The following TMPRSS7 variants were observed in gnomAD, a reference collection of about 807,000 sequenced individuals.
TMPRSS7 encodes transmembrane serine protease 7, also known as transmembrane protease serine 7.
TMPRSS7 carries 81 observed loss-of-function variants against 95.6 expected under a neutral mutation model. The observed-to-expected ratio is 0.85, with a 90% confidence interval of 0.71 to 1.02. The LOEUF (loss-of-function observed/expected upper bound fraction) is 1.02. TMPRSS7 is among the 50% of genes least tolerant of loss of function. The pLI, the probability that TMPRSS7 is intolerant of heterozygous loss-of-function variation, is 0.00. For synonymous variants in TMPRSS7, 364 were observed against 337.8 expected (o/e 1.08, Z -0.85); for missense variants, 945 against 955.2 (o/e 0.99, Z 0.14).
At chr3:112,074,384 T>C in exon 14 of TMPRSS7, 2 of 1,613,614 alleles carry the variant, frequency 1.2e-6, no homozygotes, top group Non-Finnish European at 1.7e-6. Context: ...CAGTGGATTG[T>C]CCAGATGGAA....
intron 8 of TMPRSS7, 135 bp from the exon 9 acceptor site, chr3:112,050,536 A>AAAAAAAAAC: frequency 2.6e-6 from 1 of 390,320 alleles, no homozygotes; most frequent in Non-Finnish European, 4.7e-6. Flanking sequence ...AAAAAAAAAA[A>AAAAAAAAAC]AACCCAAAGT....
intron 2 of TMPRSS7, among the ~76,000 whole-genome samples, chr3:112,040,556 T>C (rs1455974254): frequency 2.6e-5 from 4 of 152,220 alleles, no homozygotes; most frequent in South Asian, 4.2e-4. Context: ...GGAAGTCAAG[T>C]CAATGGGCCA....
intron 9 of TMPRSS7, among the ~76,000 whole-genome samples, chr3:112,055,404 G>C (rs1349308263): frequency 6.6e-6 from 1 of 151,404 alleles, no homozygotes; most frequent in Non-Finnish European, 1.5e-5. Flanking sequence ...GTGGTGAGGG[G>C]TGGTTTACTC....
At chr3:112,076,372 A>G (rs2107763832) in intron 15 of TMPRSS7, among the ~76,000 whole-genome samples, 2 of 152,348 alleles carry the variant, frequency 1.3e-5, no homozygotes, top group East Asian at 3.9e-4. Flanking sequence ...GTTGAGCAGT[A>G]AGAGTAGTGA....
At chr3:112,054,965 T>A (rs889160414) in intron 9 of TMPRSS7, among the ~76,000 whole-genome samples, 7 of 152,070 alleles carry the variant, frequency 4.6e-5, no homozygotes, top group Admixed American at 1.3e-4. Context: ...GGTCTCGATC[T>A]CCTGACGTCG....
chr3:112,044,179 G>T (rs1406661476), intron 3 of TMPRSS7, 76 bp from the exon 4 acceptor site: 1 of 1,023,206 alleles, frequency 9.8e-7, no homozygotes, highest in Admixed American at 2.0e-5. Flanking sequence ...TCAGAGCTTG[G>T]GCCTACAACA....
chr3:112,047,625 A>G, intron 6 of TMPRSS7, 114 bp from the exon 7 acceptor site: 1 of 790,344 alleles, frequency 1.3e-6, no homozygotes, highest in South Asian at 1.7e-5. Context: ...TAGGCTGGCC[A>G]TATGTCCTTC....
chr3:112,056,572 A>T (rs2073435519), intron 9 of TMPRSS7, among the ~76,000 whole-genome samples: 1 of 152,224 alleles, frequency 6.6e-6, no homozygotes, highest in Non-Finnish European at 1.5e-5. Context: ...AAGAAGATCT[A>T]GGGGTGACTC....
intron 13 of TMPRSS7, among the ~76,000 whole-genome samples, chr3:112,067,350 T>C (rs2073590059): frequency 6.6e-6 from 1 of 152,212 alleles, no homozygotes; most frequent in South Asian, 2.1e-4. Flanking sequence ...TACCCAGTAA[T>C]GGGATGGCTG....
At chr3:112,040,161 A>C (rs1349128815) in intron 2 of TMPRSS7, among the ~76,000 whole-genome samples, 1 of 152,174 alleles carries the variant, frequency 6.6e-6, no homozygotes, top group Non-Finnish European at 1.5e-5. Context: ...AGAATGAAGG[A>C]ATACTGTCTT....
rs528991619 is a variant in TMPRSS7, at chr3:112,055,571, G to A, written c.1204-1454G>A. ...ATTCACCTAAAGAAAATGACAATAAGGTTGAATTACAAAGTATTACCTAAA... is the reference window on the plus strand; with the variant it reads ...ATTCACCTAAAGAAAATGACAATAAAGTTGAATTACAAAGTATTACCTAAA... On this transcript the variant is annotated intron_variant, in intron 9 of 17. Coordinates refer to ENST00000452346, the Ensembl canonical transcript of TMPRSS7. Among the ~76,000 whole-genome samples, 14 of 151,994 alleles carry A rather than the reference G, an allele frequency of 9.2e-5. No homozygotes were observed. In the South Asian group the frequency reaches 1.0e-3, roughly 11 times the overall value.
At chr3:112,047,774 C>T in exon 7 of TMPRSS7, 1 of 1,613,974 alleles carries the variant, frequency 6.2e-7, no homozygotes, top group Admixed American at 1.7e-5. Flanking sequence ...TGCAGAGCAT[C>T]TGTCTCTCCA....
intron 14 of TMPRSS7, among the ~76,000 whole-genome samples, chr3:112,074,906 G>C (rs527935298): frequency 1.3e-5 from 2 of 152,318 alleles, no homozygotes; most frequent in East Asian, 1.9e-4. Context: ...CAATTGCTCT[G>C]ATAACTAGTT....
intron 5 of TMPRSS7, 65 bp from the exon 6 acceptor site, chr3:112,046,909 A>G: frequency 1.4e-6 from 1 of 694,138 alleles, no homozygotes; most frequent in Non-Finnish European, 2.6e-6. Flanking sequence ...AATTTTTACT[A>G]AGCAAAATTC....
At chr3:112,069,176 C>T (rs926317682) in intron 13 of TMPRSS7, among the ~76,000 whole-genome samples, 2 of 152,190 alleles carry the variant, frequency 1.3e-5, no homozygotes, top group Admixed American at 1.3e-4. Context: ...ATGAAGCCCA[C>T]TTGATCATGG....
chr3:112,051,692 T>TATCTATCTATC (rs1490134446), intron 9 of TMPRSS7, among the ~76,000 whole-genome samples: 1 of 151,906 alleles, frequency 6.6e-6, no homozygotes, highest in East Asian at 1.9e-4. Flanking sequence ...TCTATCTATC[T>TATCTATCTATC]ATCTCTATTA....
intron 7 of TMPRSS7, among the ~76,000 whole-genome samples, chr3:112,048,298 G>A (rs1421581720): frequency 6.6e-6 from 1 of 152,174 alleles, no homozygotes; most frequent in Non-Finnish European, 1.5e-5. Context: ...AACAGTGTGA[G>A]AATAAATATC....
At chr3:112,052,084 T>C (rs1431674838) in intron 9 of TMPRSS7, among the ~76,000 whole-genome samples, 1 of 151,676 alleles carries the variant, frequency 6.6e-6, no homozygotes, top group Non-Finnish European at 1.5e-5. Context: ...ACAAGTTAAA[T>C]ACGCGTAATA....
At position 112,079,046 on chromosome 3, in the gene TMPRSS7, T is replaced by G. The variant is rs6438030; in HGVS notation, c.2361+168T>G. On this transcript the variant is annotated intron_variant, in intron 17 of 17. Coordinates refer to ENST00000452346, the Ensembl canonical transcript of TMPRSS7. Reference sequence around the variant, plus strand: ...AATTGCCTAAGATCTTGGAGAGGTGTTGAAATAATTTATTCTATAGAACGC... The same window carrying G: ...AATTGCCTAAGATCTTGGAGAGGTGGTGAAATAATTTATTCTATAGAACGC... Among the ~76,000 whole-genome samples the G allele has an allele frequency of 0.012, 1,815 of 152,332 alleles. 44 individuals are homozygous for G. The highest frequency in any genetic ancestry group is 0.065 in the East Asian group (335 of 5,180).
Sources: allele counts gnomAD v4.1 joint callset (sites outside exome capture counted in the v4.1 genomes callset), GRCh38; gene constraint gnomAD v4.1.1; transcripts MANE v1.5; gene names NCBI Gene and HGNC (gene_info 2026-07-23, HGNC 2026-07-21).